AMPH: variants seen among roughly 807,000 people sequenced by gnomAD.
The protein encoded by AMPH is amphiphysin (Stiff-Mann syndrome with breast cancer 128kD autoantigen).
Under a neutral mutation model 99.1 loss-of-function variants are expected in AMPH, and 49 were observed. That is an observed-to-expected ratio of 0.49 (90% CI 0.39 to 0.63). The LOEUF (loss-of-function observed/expected upper bound fraction) is 0.63, where lower values mean the gene tolerates loss of function less well. Among genes scored for constraint, AMPH ranks in the 20% least tolerant of loss-of-function variants. AMPH has a pLI of 0.00. For synonymous variants in AMPH, 314 were observed against 317.3 expected, an observed-to-expected ratio of 0.99 and a Z score of 0.11; for missense variants, 759 against 863.4, an observed-to-expected ratio of 0.88 and a Z score of 1.52.
At chr7:38,471,144 G>A (rs1325697054) in intron 7 of AMPH, among the ~76,000 whole-genome samples, 1 of 152,026 alleles carries the variant, frequency 6.6e-6, no homozygotes, top group African/African-American at 2.4e-5. Flanking sequence ...TCTTTCTCCT[G>A]CTTCATCACC....
chr7:38,564,043 A>G (rs1350524927), intron 1 of AMPH, among the ~76,000 whole-genome samples: 1 of 152,238 alleles, frequency 6.6e-6, no homozygotes, highest in East Asian at 1.9e-4. Flanking sequence ...ACTTTTTACA[A>G]TAATGAAATA....
At chr7:38,461,260 C>G (rs1249495497) in intron 11 of AMPH, 23 bp downstream of exon 11, 2 of 1,609,016 alleles carry the variant, frequency 1.2e-6, no homozygotes, top group Non-Finnish European at 1.7e-6. Context: ...CATGGACATA[C>G]CAGCCCTGAA....
At chr7:38,425,478 T>C (rs893162215) in intron 15 of AMPH, among the ~76,000 whole-genome samples, 1 of 152,208 alleles carries the variant, frequency 6.6e-6, no homozygotes, top group African/African-American at 2.4e-5. Flanking sequence ...ACCCACAATT[T>C]TTTTATAATT....
At chr7:38,520,818 G>A (rs1262975980) in intron 2 of AMPH, among the ~76,000 whole-genome samples, 1 of 152,192 alleles carries the variant, frequency 6.6e-6, no homozygotes, top group Admixed American at 6.5e-5. Context: ...AAAAGAGTTT[G>A]AAAGCCAGCA....
chr7:38,591,675 A>G (rs1792862226), intron 1 of AMPH, among the ~76,000 whole-genome samples: 3 of 152,134 alleles, frequency 2.0e-5, no homozygotes, highest in African/African-American at 4.8e-5. Context: ...CCCAAACCTT[A>G]TCATCCCTCC....
At chr7:38,511,314 A>G (rs984269477) in intron 2 of AMPH, among the ~76,000 whole-genome samples, 1 of 152,216 alleles carries the variant, frequency 6.6e-6, no homozygotes, top group African/African-American at 2.4e-5. Flanking sequence ...CATGAGGAAG[A>G]TGCATGATGA....
In AMPH at chr7:38,426,916, C is replaced by G. The variant is rs1379228853; in HGVS notation, c.1215+38G>C. The G allele has an allele frequency of 3.1e-6, 5 of 1,597,762 alleles. No homozygotes were observed. The South Asian group carries it at 5.5e-5, about 18-fold the overall frequency. On this transcript the variant is annotated intron_variant, in intron 15 of 20. Coordinates refer to ENST00000356264, the MANE Select transcript of AMPH (RefSeq NM_001635.4). Reference sequence around the variant, plus strand: ...CACATTGAAAAAAATGTGCATCATTCTCAGCAGATGGATCTTGTAAGAAAA... The same window carrying G: ...CACATTGAAAAAAATGTGCATCATTGTCAGCAGATGGATCTTGTAAGAAAA...
intron 10 of AMPH, among the ~76,000 whole-genome samples, chr7:38,462,229 G>C (rs1787477189): frequency 6.6e-6 from 1 of 152,148 alleles, no homozygotes; most frequent in African/African-American, 2.4e-5. Context: ...GCGCGTTTAA[G>C]GTAGGCTGGG....
intron 11 of AMPH, among the ~76,000 whole-genome samples, chr7:38,449,036 G>A (rs1014945876): frequency 3.3e-5 from 5 of 152,078 alleles, no homozygotes; most frequent in Non-Finnish European, 5.9e-5. Flanking sequence ...AGAGGGATAG[G>A]GCCTATGCTT....
chr7:38,438,664 C>T (rs970548905), intron 11 of AMPH, among the ~76,000 whole-genome samples: 2 of 152,152 alleles, frequency 1.3e-5, no homozygotes, highest in Non-Finnish European at 2.9e-5. Context: ...ATGGGCTATG[C>T]TCAGACTTTG....
chr7:38,396,965 T>C (rs1784689241), intron 17 of AMPH, among the ~76,000 whole-genome samples: 2 of 152,222 alleles, frequency 1.3e-5, no homozygotes, highest in Admixed American at 1.3e-4. Flanking sequence ...ATAAGTTGTG[T>C]CATGATTACA....
intron 13 of AMPH, among the ~76,000 whole-genome samples, chr7:38,431,039 A>G (rs1053664994): frequency 7.9e-5 from 12 of 152,226 alleles, no homozygotes; most frequent in African/African-American, 2.7e-4. Flanking sequence ...CCACATCACC[A>G]GGGCTTTTCT....
chr7:38,607,889 A>G (rs1793489544), intron 1 of AMPH, among the ~76,000 whole-genome samples: 1 of 152,246 alleles, frequency 6.6e-6, no homozygotes, highest in South Asian at 2.1e-4. Context: ...CTTAAAACAC[A>G]GAATTTTCTT....
chr7:38,506,919 A>C (rs1789347937), intron 2 of AMPH, among the ~76,000 whole-genome samples: 3 of 152,216 alleles, frequency 2.0e-5, no homozygotes, highest in African/African-American at 7.2e-5. Flanking sequence ...CACCGAGTTA[A>C]GCAAGGCTCA....
chr7:38,520,042 C>G (rs1439782444), intron 2 of AMPH, among the ~76,000 whole-genome samples: 1 of 152,070 alleles, frequency 6.6e-6, no homozygotes, highest in African/African-American at 2.4e-5. Flanking sequence ...ATCATCTTGG[C>G]TATTATAACT....
At chr7:38,624,535 T>C (rs141395218) in intron 1 of AMPH, among the ~76,000 whole-genome samples, 2,115 of 145,022 alleles carry the variant, frequency 0.015, 51 homozygotes, top group African/African-American at 0.052. Context: ...TCCTGCTCAC[T>C]ACAGTCATGG....
chr7:38,419,321 T>C (rs548801536), intron 16 of AMPH, among the ~76,000 whole-genome samples: 126 of 152,230 alleles, frequency 8.3e-4, no homozygotes, highest in African/African-American at 3.0e-3. Flanking sequence ...ATACACAAAG[T>C]ATTTGTCTTA....
chr7:38,591,189 T>C (rs576196657), intron 1 of AMPH, among the ~76,000 whole-genome samples: 10 of 152,234 alleles, frequency 6.6e-5, no homozygotes, highest in African/African-American at 2.4e-4. Flanking sequence ...AATTTTCAAA[T>C]ATAAATAAAT....
At chr7:38,451,000 C>T (rs2129003058) in intron 11 of AMPH, among the ~76,000 whole-genome samples, 1 of 151,812 alleles carries the variant, frequency 6.6e-6, no homozygotes, top group East Asian at 1.9e-4. Flanking sequence ...AAGAGATCCA[C>T]CTGCCTCTCA....
Sources: gnomAD v4.1 joint callset for allele counts (sites outside exome capture counted in the v4.1 genomes callset) on GRCh38, gnomAD v4.1.1 for gene constraint, MANE v1.5 for transcripts, NCBI Gene and HGNC (gene_info 2026-07-23, HGNC 2026-07-21) for gene names.